Variants in LRP11 observed in about 807,000 individuals in gnomAD.
LRP11 encodes the protein low-density lipoprotein receptor-related protein 11.
In LRP11, 25 loss-of-function variants were observed where a neutral mutation model predicts 43.1. The observed-to-expected ratio is 0.58, with a 90% CI of 0.42 to 0.81. The LOEUF (loss-of-function observed/expected upper bound fraction) is 0.81, where lower values mean the gene tolerates loss of function less well. Among genes scored for constraint, LRP11 ranks in the 30% least tolerant of loss-of-function variants. The pLI is 0.00. For synonymous variants in LRP11, 316 were observed against 299.4 expected, an observed-to-expected ratio of 1.06 and a Z score of -0.57; for missense variants, 623 against 665.1, an observed-to-expected ratio of 0.94 and a Z score of 0.70.
At chr6:149,836,389 G>A (rs1461693290) in intron 4 of LRP11, 92 bp from the exon 5 acceptor site, 2 of 1,102,580 alleles carry the variant, frequency 1.8e-6, no homozygotes, top group South Asian at 1.4e-5. Context: ...TTAAAATCAC[G>A]GATATTTGGA....
intron 2 of LRP11, among the ~76,000 whole-genome samples, chr6:149,848,068 T>C (rs1320922374): frequency 1.3e-5 from 2 of 152,134 alleles, no homozygotes; most frequent in Non-Finnish European, 2.9e-5. Flanking sequence ...AATGGCTGAG[T>C]GCCCTCCCAA....
rs1777006858 is a variant in LRP11 at position 149,864,340 on chromosome 6, A to AC, written c.-321dup. 9 of 1,007,466 alleles carry AC rather than the reference A, an allele frequency of 8.9e-6. No homozygotes were observed. The highest frequency in any genetic ancestry group is 9.5e-6 in the Non-Finnish European group (8 of 844,826). The allele number at this position is 1,007,466 out of a possible 1,614,324, so 62.4% of individuals were successfully genotyped here. A position where few individuals can be genotyped will look rare whatever the true frequency, so the allele number is the denominator to read the frequency against. The stretch of plus-strand genomic sequence containing the variant: ...CGAGTCGGCCTCGGCGTTGATCAGC[A>AC]CCAGGTGTGTGCGAACAGTGGCCGC... On this transcript the variant is annotated 5_prime_UTR_variant, in exon 1 of 7. Transcript: ENST00000239367.
intron 5 of LRP11, among the ~76,000 whole-genome samples, chr6:149,834,362 C>A (rs1296605300): frequency 6.6e-6 from 1 of 152,172 alleles, no homozygotes; most frequent in Non-Finnish European, 1.5e-5. Flanking sequence ...CCCTTATTAA[C>A]AGATGAGGCA....
chr6:149,852,823 ACT>A (rs3841728), intron 2 of LRP11, among the ~76,000 whole-genome samples, 178 bp downstream of exon 2: 50,196 of 152,018 alleles, frequency 0.33, 9,600 homozygotes, highest in East Asian at 0.81. Flanking sequence ...ATTGCTGCTC[ACT>A]CTCAGCAGAA....
At chr6:149,847,006 T>C (rs1360092429) in intron 2 of LRP11, among the ~76,000 whole-genome samples, 1 of 149,782 alleles carries the variant, frequency 6.7e-6, no homozygotes, top group Non-Finnish European at 1.5e-5. Context: ...TAGAATAGAA[T>C]AGAATAGAAT....
At chr6:149,848,148 G>A (rs771741241) in intron 2 of LRP11, among the ~76,000 whole-genome samples, 4 of 151,780 alleles carry the variant, frequency 2.6e-5, no homozygotes, top group Non-Finnish European at 5.9e-5. Flanking sequence ...TGAGGTTAGT[G>A]CCCTTATAAA....
chr6:149,828,215 A>C (rs1035624447), intron 5 of LRP11, among the ~76,000 whole-genome samples: 1 of 151,982 alleles, frequency 6.6e-6, no homozygotes, highest in Admixed American at 6.6e-5. Flanking sequence ...ATTTTATTAT[A>C]TATGATTCTG....
intron 2 of LRP11, among the ~76,000 whole-genome samples, chr6:149,845,228 T>G (rs888942584): frequency 2.0e-5 from 3 of 152,270 alleles, no homozygotes; most frequent in Non-Finnish European, 4.4e-5. Context: ...GAGCTGGGCC[T>G]GGCCCATAGT....
At chr6:149,863,278 A>C (rs762474773) in intron 1 of LRP11, 130 bp downstream of exon 1, 31 of 1,233,878 alleles carry the variant, frequency 2.5e-5, no homozygotes, top group Non-Finnish European at 3.2e-5. Flanking sequence ...AGAGAAACCC[A>C]TGCCAGAAAC....
At chr6:149,829,512 G>C (rs1776382200) in intron 5 of LRP11, among the ~76,000 whole-genome samples, 1 of 151,774 alleles carries the variant, frequency 6.6e-6, no homozygotes, top group African/African-American at 2.4e-5. Flanking sequence ...AGTGACCCCA[G>C]ACAGCGCCAC....
At position 149,864,357 on chromosome 6, in the gene LRP11, A is replaced by C; in HGVS notation, c.-337T>G. 13 of 997,606 alleles carry C rather than the reference A, an allele frequency of 1.3e-5. No homozygotes were observed. The highest frequency in any genetic ancestry group is 1.6e-5 in the Non-Finnish European group (13 of 838,286). The allele number at this position is 997,606 out of a possible 1,614,324, so 61.8% of individuals were successfully genotyped here. ...TGATCAGCACCAGGTGTGTGCGAAC[A>C]GTGGCCGCGGCGGGGTGGAGCCTTG... On this transcript the variant is annotated 5_prime_UTR_variant, in exon 1 of 7. Coordinates refer to ENST00000239367, the MANE Select transcript of LRP11 (RefSeq NM_032832.6).
chr6:149,836,425 T>A (rs1237883998), intron 4 of LRP11, 128 bp from the exon 5 acceptor site: 2 of 729,332 alleles, frequency 2.7e-6, no homozygotes, highest in African/African-American at 3.6e-5. Context: ...ATCTAAGACA[T>A]GTCAGAGGAC....
intron 5 of LRP11, among the ~76,000 whole-genome samples, chr6:149,835,461 A>G (rs922426178): frequency 2.0e-5 from 3 of 151,194 alleles, no homozygotes; most frequent in African/African-American, 7.2e-5. Flanking sequence ...TTAGTCAGGC[A>G]TGGTGGTCCC....
chr6:149,845,380 G>A (rs1172941309), intron 2 of LRP11, among the ~76,000 whole-genome samples: 2 of 152,140 alleles, frequency 1.3e-5, no homozygotes, highest in East Asian at 1.9e-4. Flanking sequence ...TTGAGACCTC[G>A]AGTTGTAAAA....
rs1776746406 is a variant in LRP11 at position 149,853,078 on chromosome 6, G to A, written c.696C>T (p.Arg232=). The change falls in exon 2 of 7, where the codon CGC becomes CGT. Residue 232 remains arginine, a synonymous_variant. Coordinates refer to ENST00000239367, the MANE Select transcript of LRP11 (RefSeq NM_032832.6). ...CGATGGCGTGGTCATCTGTGCTCTCGCGGCCGTCTAGAACCACCCCGTCTG... is the reference window on the plus strand; with the variant it reads ...CGATGGCGTGGTCATCTGTGCTCTCACGGCCGTCTAGAACCACCCCGTCTG... ...LPTDGVVLDG[R]ESTDDHAIVQ... 5 of 1,612,470 alleles carry A rather than the reference G, an allele frequency of 3.1e-6. No homozygotes were observed. Among genetic ancestry groups the A allele is most frequent in the Non-Finnish European group, 4.2e-6 (5 of 1,179,216 alleles).
chr6:149,824,612 A>G (rs1464471637), intron 6 of LRP11, among the ~76,000 whole-genome samples: 1 of 152,186 alleles, frequency 6.6e-6, no homozygotes, highest in Non-Finnish European at 1.5e-5. Context: ...TAATCCCAGC[A>G]TGGTGGGAGG....
At chr6:149,843,249 G>A (rs1025048401) in intron 2 of LRP11, 125 bp from the exon 3 acceptor site, 48 of 1,007,368 alleles carry the variant, frequency 4.8e-5, no homozygotes, top group Non-Finnish European at 6.7e-5. Context: ...TCCGGCCCGA[G>A]GCTGCTGAAC....
chr6:149,857,697 C>T (rs898155797), intron 1 of LRP11, among the ~76,000 whole-genome samples: 2 of 152,122 alleles, frequency 1.3e-5, no homozygotes, highest in South Asian at 2.1e-4. Flanking sequence ...ACCCTGTCCT[C>T]GATGGTTGGC....
intron 1 of LRP11, among the ~76,000 whole-genome samples, chr6:149,862,596 T>A (rs1344471859): frequency 3.1e-5 from 4 of 129,624 alleles, no homozygotes; most frequent in Non-Finnish European, 5.1e-5. Context: ...TTTTTTTTTT[T>A]AAGATGGAGT....
Sources: allele counts gnomAD v4.1 joint callset (sites outside exome capture counted in the v4.1 genomes callset), GRCh38; gene constraint gnomAD v4.1.1; transcripts MANE v1.5; gene names NCBI Gene and HGNC (gene_info 2026-07-23, HGNC 2026-07-21).